SORCS3: variants seen among roughly 807,000 people sequenced by gnomAD.
The protein encoded by SORCS3 is sortilin related VPS10 domain containing receptor 3.
SORCS3 carries 57 observed loss-of-function variants against 146.3 expected under a neutral mutation model. The observed-to-expected ratio is 0.39, with a 90% CI of 0.31 to 0.49. SORCS3 has a LOEUF of 0.49. Ranked by LOEUF, SORCS3 falls within the 20% of genes least tolerant of loss-of-function variation. The pLI, the probability that SORCS3 is intolerant of heterozygous loss-of-function variation, is 0.92. For missense variants in SORCS3, 1,341 were observed against 1,575.5 expected (o/e 0.85, Z 2.52); for synonymous variants, 653 against 618.5 (o/e 1.06, Z -0.83).
At chr10:105,060,959 CA>C (rs2055482348) in intron 5 of SORCS3, among the ~76,000 whole-genome samples, 2 of 150,570 alleles carry the variant, frequency 1.3e-5, no homozygotes, top group Non-Finnish European at 3.0e-5. Context: ...AAAAAACAAA[CA>C]AAAAAGTTAA....
rs1398564633 is a variant in SORCS3, at chr10:105,263,481, C to T, written c.*107C>T. ...AATGTCTTTTTTACCTTTTGTTTAC[C>T]AAGGGCCCCTTCATAAATAGCAGGC... On this transcript the variant is annotated 3_prime_UTR_variant, in exon 27 of 27. Transcript: ENST00000369701. 1 of 1,104,570 alleles carries T rather than the reference C, an allele frequency of 9.1e-7. No individual in the cohort carries two copies. Among genetic ancestry groups the T allele is most frequent in the Non-Finnish European group, 1.3e-6 (1 of 758,266 alleles). 68.4% of individuals were successfully genotyped at this position (1,104,570 alleles called of 1,614,324 possible).
At chr10:105,042,680 T>C (rs1299283377) in intron 4 of SORCS3, among the ~76,000 whole-genome samples, 1 of 152,154 alleles carries the variant, frequency 6.6e-6, no homozygotes, top group Non-Finnish European at 1.5e-5. Context: ...GAAATGAAAG[T>C]AAAAGCATGA....
chr10:104,715,048 T>C (rs999607528), intron 1 of SORCS3, among the ~76,000 whole-genome samples: 1 of 152,180 alleles, frequency 6.6e-6, no homozygotes, highest in African/African-American at 2.4e-5. Flanking sequence ...TCCATACCAA[T>C]TATTTTGTGT....
chr10:105,148,298 T>C (rs537374166), intron 9 of SORCS3, among the ~76,000 whole-genome samples: 7 of 152,152 alleles, frequency 4.6e-5, no homozygotes, highest in Non-Finnish European at 1.0e-4. Flanking sequence ...TGCCGACATC[T>C]ATGCAGGGTA....
chr10:105,117,728 T>C (rs2055903376), intron 7 of SORCS3, among the ~76,000 whole-genome samples: 1 of 152,222 alleles, frequency 6.6e-6, no homozygotes, highest in Non-Finnish European at 1.5e-5. Flanking sequence ...CATTTCCCTG[T>C]CTCTGTAACT....
At chr10:104,687,636 C>T (rs1008009406) in intron 1 of SORCS3, among the ~76,000 whole-genome samples, 1 of 151,930 alleles carries the variant, frequency 6.6e-6, no homozygotes, top group Non-Finnish European at 1.5e-5. Flanking sequence ...GAGAAGAAGC[C>T]CCCAGGTTTC....
intron 1 of SORCS3, among the ~76,000 whole-genome samples, chr10:104,723,540 C>T (rs2016579379): frequency 6.6e-6 from 1 of 152,086 alleles, no homozygotes; most frequent in Non-Finnish European, 1.5e-5. Context: ...TCCTTGTTAA[C>T]TTTCTGTCTC....
chr10:104,989,372 A>G (rs2054980987), intron 4 of SORCS3, among the ~76,000 whole-genome samples: 1 of 152,240 alleles, frequency 6.6e-6, no homozygotes, highest in African/African-American at 2.4e-5. Context: ...CTTCTTACTT[A>G]AAAGTACCAA....
At chr10:105,198,269 A>T (rs955144082) in intron 14 of SORCS3, among the ~76,000 whole-genome samples, 1 of 152,164 alleles carries the variant, frequency 6.6e-6, no homozygotes, top group African/African-American at 2.4e-5. Context: ...TAGCATCATT[A>T]ACATCCTGCA....
At position 105,214,429 on chromosome 10, in the gene SORCS3, CA is replaced by C; in HGVS notation, c.2376-11del. ...ATCAACACAAACCACTATCAATTGT[CA>C]ATTCTACTTAGGTATCGGCGGATTG... On this transcript the variant is annotated splice_polypyrimidine_tract_variant and intron_variant, in intron 17 of 26. Transcript: ENST00000369701. 2.5e-6 allele frequency: 4 copies of C among 1,613,806 alleles called. 1 individual carries two copies. The South Asian group carries it at 4.4e-5, about 18-fold the overall frequency.
At chr10:105,243,775 C>A (rs903276810) in intron 20 of SORCS3, among the ~76,000 whole-genome samples, 5 of 152,158 alleles carry the variant, frequency 3.3e-5, no homozygotes, top group Non-Finnish European at 5.9e-5. Flanking sequence ...TCAACCTCGT[C>A]ATAAAACAGA....
chr10:104,830,066 C>T (rs1308340773), intron 1 of SORCS3, among the ~76,000 whole-genome samples: 4 of 152,050 alleles, frequency 2.6e-5, no homozygotes, highest in African/African-American at 7.2e-5. Flanking sequence ...CCCCAACCCC[C>T]GACAGGCCCT....
intron 20 of SORCS3, among the ~76,000 whole-genome samples, chr10:105,242,443 T>TATATTTATAC (rs1208226645): frequency 3.6e-5 from 2 of 56,210 alleles, no homozygotes; most frequent in African/African-American, 1.3e-4. Flanking sequence ...CATATATTTA[T>TATATTTATAC]ATATATTTAT....
intron 14 of SORCS3, among the ~76,000 whole-genome samples, chr10:105,186,868 G>A (rs2056480502): frequency 7.1e-6 from 1 of 141,346 alleles, no homozygotes; most frequent in Admixed American, 7.3e-5. Flanking sequence ...TGGGCAACAA[G>A]AGTGAGACTC....
intron 2 of SORCS3, among the ~76,000 whole-genome samples, chr10:104,900,628 C>T (rs1004896074): frequency 1.6e-4 from 25 of 152,100 alleles, no homozygotes; most frequent in African/African-American, 3.4e-4. Flanking sequence ...CGGACGCTCA[C>T]GCCTGTAATC....
intron 1 of SORCS3, among the ~76,000 whole-genome samples, chr10:104,829,878 C>A (rs922400304): frequency 3.3e-5 from 5 of 151,972 alleles, no homozygotes; most frequent in Non-Finnish European, 7.4e-5. Flanking sequence ...GCCTCTAACT[C>A]GAGATATTTT....
intron 3 of SORCS3, among the ~76,000 whole-genome samples, chr10:104,926,046 G>A (rs1402863067): frequency 2.0e-5 from 3 of 152,302 alleles, no homozygotes; most frequent in African/African-American, 4.8e-5. Flanking sequence ...GCCAGGGTCC[G>A]GCTGCCTGGC....
At chr10:104,907,332 T>C (rs940697299) in intron 2 of SORCS3, among the ~76,000 whole-genome samples, 1 of 152,230 alleles carries the variant, frequency 6.6e-6, no homozygotes, top group Non-Finnish European at 1.5e-5. Context: ...TTTTGCCTGA[T>C]AGGTTAGAGT....
intron 13 of SORCS3, among the ~76,000 whole-genome samples, chr10:105,175,362 C>T (rs369596636): frequency 4.6e-5 from 7 of 152,092 alleles, no homozygotes; most frequent in African/African-American, 1.7e-4. Context: ...CTCATGCTAA[C>T]CTTTTATTGA....
Sources: allele counts gnomAD v4.1 joint callset (sites outside exome capture counted in the v4.1 genomes callset), GRCh38; gene constraint gnomAD v4.1.1; transcripts MANE v1.5; gene names NCBI Gene and HGNC (gene_info 2026-07-23, HGNC 2026-07-21).